FCGR2A: variants seen among roughly 807,000 people sequenced by gnomAD.
FCGR2A encodes the protein Fc gamma receptor IIa, also known as low affinity immunoglobulin gamma Fc region receptor II-a.
A neutral mutation model predicts 29.3 loss-of-function variants in FCGR2A; 18 were observed. That is an observed-to-expected ratio of 0.62 (90% CI 0.43 to 0.91). The LOEUF (loss-of-function observed/expected upper bound fraction) is 0.91, where lower values mean the gene tolerates loss of function less well. FCGR2A is among the 40% of genes least tolerant of loss of function. FCGR2A has a pLI of 0.00. For synonymous variants in FCGR2A, 126 were observed against 144.8 expected (o/e 0.87, Z 0.93); for missense variants, 287 against 393.0 (o/e 0.73, Z 2.28).
At chr1:161,505,633 A>C in intron 1 of FCGR2A, 81 bp downstream of exon 1, 3 of 1,152,146 alleles carry the variant, frequency 2.6e-6, no homozygotes, top group Non-Finnish European at 3.9e-6. Flanking sequence ...GGTAAGGAGC[A>C]GGCCTGGGCC....
At chr1:161,521,618 A>T (rs1399305716), downstream of FCGR2A, among the ~76,000 whole-genome samples, 1 of 151,996 alleles carries the variant, frequency 6.6e-6, no homozygotes, top group Non-Finnish European at 1.5e-5. Flanking sequence ...GACCCAGTGG[A>T]AGGTAACTGA....
intron 6 of FCGR2A, among the ~76,000 whole-genome samples, chr1:161,517,757 C>T (rs1184067401): frequency 6.6e-6 from 1 of 151,980 alleles, no homozygotes; most frequent in East Asian, 1.9e-4. Flanking sequence ...AAACAATAGC[C>T]TCCTAAAATT....
At chr1:161,516,379 A>G (rs970199574) in intron 6 of FCGR2A, among the ~76,000 whole-genome samples, 1 of 152,084 alleles carries the variant, frequency 6.6e-6, no homozygotes, top group African/African-American at 2.4e-5. Flanking sequence ...ATAAGAATCT[A>G]TTCTCCTTGT....
At position 161,510,011 on chromosome 1, in the gene FCGR2A, C is replaced by G. The variant is rs1439900873; in HGVS notation, c.556C>G (p.His186Asp). ...QANHSHSGDY[H>D]CTGNIGYTLF... ...AAACCACAGTCACAGTGGTGATTAC[C>G]ACTGCACAGGAAACATAGGCTACAC... Residue 186 changes from histidine to aspartate, a missense_variant, in exon 4 of 7, where the codon CAC becomes GAC. By Grantham distance (81) the His-to-Asp change is moderately conservative (BLOSUM62 -1). This residue lies in a region of FCGR2A where 181 missense variants were observed against 250.9 expected (regional missense o/e 0.72). Coordinates refer to ENST00000271450, the MANE Select transcript of FCGR2A (RefSeq NM_001136219.3). The G allele has an allele frequency of 1.2e-6, 2 of 1,613,936 alleles. No individual in the cohort carries two copies. Among genetic ancestry groups the G allele is most frequent in the Non-Finnish European group, 1.7e-6 (2 of 1,179,850 alleles).
Position 161,513,903 on chromosome 1 carries a change from A to C in FCGR2A, c.751A>C (p.Thr251Pro). 6.2e-7 allele frequency: 1 copy of C among 1,614,162 alleles called. No homozygotes were observed. Among genetic ancestry groups the C allele is most frequent in the African/African-American group, 1.3e-5 (1 of 75,022 alleles). ...TTTCTTTTTCCCCACAGCCAATTCC[A>C]CTGATCCTGTGAAGGCTGCCCAATT... The part of the protein sequence containing the change: ...CRKKRISANS[T>P]DPVKAAQFEP... The change falls in exon 6 of 7, where the codon ACT becomes CCT. Residue 251 changes from threonine (T) to proline (P), a missense_variant. This residue lies in a region of FCGR2A where 72 missense variants were observed against 68.6 expected (regional missense o/e 1.05). Coordinates refer to ENST00000271450, the MANE Select transcript of FCGR2A (RefSeq NM_001136219.3).
At chr1:161,513,865 C>G (rs1352066302) in intron 5 of FCGR2A, 30 bp from the exon 6 acceptor site, 2 of 1,614,242 alleles carry the variant, frequency 1.2e-6, no homozygotes, top group East Asian at 4.5e-5. Context: ...ACAGCAGTGC[C>G]CTGGCTAATC....
At chr1:161,520,180 G>A (rs1305830172), downstream of FCGR2A, among the ~76,000 whole-genome samples, 4 of 151,986 alleles carry the variant, frequency 2.6e-5, no homozygotes, top group East Asian at 1.9e-4. Flanking sequence ...CTGTTCTCAC[G>A]CTGCTATGAA....
At chr1:161,507,964 T>A (rs1418640085) in intron 3 of FCGR2A, among the ~76,000 whole-genome samples, 2 of 151,580 alleles carry the variant, frequency 1.3e-5, no homozygotes, top group Non-Finnish European at 2.9e-5. Context: ...CGCTTGCCTG[T>A]AATCCCAGCT....
At chr1:161,506,110 T>C in intron 2 of FCGR2A, 103 bp downstream of exon 2, 2 of 1,371,378 alleles carry the variant, frequency 1.5e-6, no homozygotes, top group Admixed American at 1.7e-5. Flanking sequence ...CCACTGAAAA[T>C]CAAGCTTGGG....
downstream of FCGR2A, among the ~76,000 whole-genome samples, chr1:161,520,557 A>G (rs1429323591): frequency 6.6e-6 from 1 of 151,792 alleles, no homozygotes; most frequent in East Asian, 1.9e-4. Context: ...AGGCTCCTCA[A>G]ATATGTAAAG....
rs1272727450 is a variant in FCGR2A at position 161,519,483 on chromosome 1, T to A, written c.*1335T>A. The stretch of plus-strand genomic sequence containing the variant: ...CTAACAACAAATTAAAAGTGATTGT[T>A]TCAAGGTGATGCAATTATTGATGAC... On this transcript the variant is annotated 3_prime_UTR_variant, in exon 7 of 7. Coordinates refer to ENST00000271450, the MANE Select transcript of FCGR2A (RefSeq NM_001136219.3). 1 of 152,300 alleles carries A rather than the reference T, an allele frequency of 6.6e-6. No individual in the cohort carries two copies. Among genetic ancestry groups the A allele is most frequent in the Admixed American group, 6.6e-5 (1 of 15,262 alleles). 9.4% of individuals were successfully genotyped at this position (152,300 alleles called of 1,614,324 possible). A position where few individuals can be genotyped will look rare whatever the true frequency, so the allele number is the denominator to read the frequency against.
rs111794137 is a variant in FCGR2A at position 161,506,275 on chromosome 1, G to T, written c.107-59G>T. 7.3e-5 allele frequency: 116 copies of T among 1,599,334 alleles called. 4 individuals are homozygous for T. In the African/African-American group the frequency reaches 8.4e-4, roughly 12 times the overall value. On this transcript the variant is annotated intron_variant, in intron 2 of 6. Coordinates refer to ENST00000271450, the MANE Select transcript of FCGR2A (RefSeq NM_001136219.3). ...CCTGACCTCCCTTGGGAGCTCCTTT[G>T]GCATCCACAGTCCCTTCAGGGTTAT...
Position 161,510,862 on chromosome 1 carries a change from G to C in FCGR2A, c.648G>C (p.Met216Ile), listed in dbSNP as rs138599605. 6.2e-7 allele frequency: 1 copy of C among 1,614,170 alleles called. No individual in the cohort carries two copies. The highest frequency in any genetic ancestry group is 1.3e-5 in the African/African-American group (1 of 75,030). ...CCAGCATGGGCAGCTCTTCACCAAT[G>C]GGGATCATTGTGGCTGTGGTCATTG... ...QVPSMGSSSP[M>I]GIIVAVVIAT... The change falls in exon 5 of 7, where the codon ATG becomes ATC. Residue 216 changes from methionine to isoleucine, a missense_variant. Physicochemically the swap from Met to Ile is conservative, Grantham distance 10. Transcript: ENST00000271450.
downstream of FCGR2A, among the ~76,000 whole-genome samples, chr1:161,520,955 G>A (rs1424972352): frequency 6.6e-6 from 1 of 151,144 alleles, no homozygotes; most frequent in Non-Finnish European, 1.5e-5. Context: ...TTCCTTGAAC[G>A]TGCCAATTAT....
chr1:161,510,171 G>A, intron 4 of FCGR2A, 97 bp downstream of exon 4: 2 of 1,561,666 alleles, frequency 1.3e-6, no homozygotes, highest in Non-Finnish European at 1.7e-6. Flanking sequence ...AAAGCCCATA[G>A]CAGCAAAATT....
At chr1:161,523,976 A>G (rs1676575315), downstream of FCGR2A, 1 of 154,366 alleles carries the variant, frequency 6.5e-6, no homozygotes, top group Admixed American at 6.4e-5. Context: ...CTGGCCATTC[A>G]CTAAGGAACC....
At chr1:161,511,335 G>A (rs532723001) in intron 5 of FCGR2A, among the ~76,000 whole-genome samples, 1 of 152,278 alleles carries the variant, frequency 6.6e-6, no homozygotes, top group East Asian at 1.9e-4. Flanking sequence ...GGGGGGAGTA[G>A]ATAGGGTACT....
In FCGR2A at chr1:161,510,969, T is replaced by G. The variant is rs571284513; in HGVS notation, c.742+13T>G. 1 of 1,614,122 alleles carries G rather than the reference T, an allele frequency of 6.2e-7. No individual in the cohort carries two copies. Among genetic ancestry groups the G allele is most frequent in the South Asian group, 1.1e-5 (1 of 91,086 alleles). Reference sequence around the variant, plus strand: ...AAGCGGATTTCAGGTTTGTAGCTCCTCCCAGTCCCTTTTGTTATCAGTTTC... The same window carrying G: ...AAGCGGATTTCAGGTTTGTAGCTCCGCCCAGTCCCTTTTGTTATCAGTTTC... On this transcript the variant is annotated intron_variant, in intron 5 of 6. Transcript: ENST00000271450.
rs374350095 is a variant in FCGR2A at position 161,508,155 on chromosome 1, C to T, written c.364+1564C>T. ...GTTAGAGAGAAACTACCTAGTCCCACCTATCCATTGTACAAAGAAATGCAA... is the reference window on the plus strand; with the variant it reads ...GTTAGAGAGAAACTACCTAGTCCCATCTATCCATTGTACAAAGAAATGCAA... On this transcript the variant is annotated intron_variant, in intron 3 of 6. Coordinates refer to ENST00000271450, the MANE Select transcript of FCGR2A (RefSeq NM_001136219.3). Among the ~76,000 whole-genome samples the T allele has an allele frequency of 5.4e-4, 82 of 151,340 alleles. 1 individual carries two copies. The East Asian group carries it at 0.014, about 25-fold the overall frequency.
Sources: gnomAD v4.1 joint callset for allele counts (sites outside exome capture counted in the v4.1 genomes callset) on GRCh38, gnomAD v4.1.1 for gene constraint, gnomAD v4.1.1 regional missense constraint, MANE v1.5 for transcripts, NCBI Gene and HGNC (gene_info 2026-07-23, HGNC 2026-07-21) for gene names.